UBE4B: variants seen among roughly 807,000 people sequenced by gnomAD.
The protein encoded by UBE4B is ubiquitination factor E4B.
UBE4B carries 27 observed loss-of-function variants against 148.1 expected under a neutral mutation model. That is an observed-to-expected ratio of 0.18 (90% CI 0.13 to 0.25). The LOEUF is 0.25. UBE4B is among the 10% of genes least tolerant of loss of function. The pLI, the probability that UBE4B is intolerant of heterozygous loss-of-function variation, is 1.00. For missense variants in UBE4B, 1,170 were observed against 1,662.4 expected (o/e 0.70, Z 5.15); for synonymous variants, 596 against 619.3 (o/e 0.96, Z 0.56).
At chr1:10,156,111 G>A (rs1047230305) in intron 21 of UBE4B, among the ~76,000 whole-genome samples, 2 of 151,846 alleles carry the variant, frequency 1.3e-5, no homozygotes, top group South Asian at 2.1e-4. Context: ...GTCCACCTAC[G>A]GCCTTCTAGA....
intron 2 of UBE4B, among the ~76,000 whole-genome samples, chr1:10,077,138 T>C (rs1427662220): frequency 2.0e-5 from 3 of 152,194 alleles, no homozygotes; most frequent in African/African-American, 7.2e-5. Context: ...ACAGCAGCAG[T>C]ATTATTTTCT....
At chr1:10,047,858 G>A (rs1643944978) in intron 1 of UBE4B, among the ~76,000 whole-genome samples, 1 of 152,082 alleles carries the variant, frequency 6.6e-6, no homozygotes, top group Admixed American at 6.5e-5. Context: ...ATGCAAACAT[G>A]GTTGAATGCA....
intron 18 of UBE4B, 37 bp from the exon 19 acceptor site, chr1:10,146,926 G>A (rs749562912): frequency 6.2e-7 from 1 of 1,610,386 alleles, no homozygotes; most frequent in Middle Eastern, 1.7e-4. Context: ...CTTAGCTACT[G>A]ACTGATCTTT....
At chr1:10,167,922 G>A (rs1646278932) in intron 23 of UBE4B, among the ~76,000 whole-genome samples, 1 of 152,134 alleles carries the variant, frequency 6.6e-6, no homozygotes, top group Non-Finnish European at 1.5e-5. Flanking sequence ...AGGAAGCAGA[G>A]TTAAATAAGG....
chr1:10,053,809 C>T (rs1644103616), intron 1 of UBE4B, among the ~76,000 whole-genome samples: 1 of 152,172 alleles, frequency 6.6e-6, no homozygotes. Flanking sequence ...CCCACCTCAG[C>T]CTTCTAAGTA....
chr1:10,041,216 C>T (rs944147602), intron 1 of UBE4B, among the ~76,000 whole-genome samples: 2 of 151,838 alleles, frequency 1.3e-5, no homozygotes, highest in African/African-American at 4.8e-5. Context: ...TTGAAAGGCA[C>T]ACAACTAGTA....
intron 11 of UBE4B, 65 bp from the exon 12 acceptor site, chr1:10,129,327 T>C: frequency 6.7e-7 from 1 of 1,496,128 alleles, no homozygotes; most frequent in Non-Finnish European, 9.3e-7. Context: ...AACTGTTTCT[T>C]TATGCTACAA....
intron 2 of UBE4B, among the ~76,000 whole-genome samples, chr1:10,085,771 A>G (rs1008734888): frequency 1.3e-5 from 2 of 152,052 alleles, no homozygotes; most frequent in African/African-American, 4.8e-5. Context: ...AAATATCCTC[A>G]AAGCCCTCCT....
intron 2 of UBE4B, among the ~76,000 whole-genome samples, chr1:10,075,727 CAG>C (rs1448327348): frequency 2.0e-5 from 3 of 152,144 alleles, no homozygotes; most frequent in African/African-American, 4.8e-5. Context: ...AAAAAACAAA[CAG>C]AAAATCTCTC....
chr1:10,044,018 A>C (rs1209182506), intron 1 of UBE4B, among the ~76,000 whole-genome samples: 1 of 151,944 alleles, frequency 6.6e-6, no homozygotes, highest in Non-Finnish European at 1.5e-5. Context: ...TGGGGGAGTG[A>C]CCACAATTCC....
intron 1 of UBE4B, among the ~76,000 whole-genome samples, chr1:10,064,099 A>G (rs1396713418): frequency 6.6e-6 from 1 of 152,032 alleles, no homozygotes; most frequent in African/African-American, 2.4e-5. Flanking sequence ...ATTCTTACCA[A>G]CTACTCAGCG....
At chr1:10,167,735 G>A (rs1270035663) in intron 23 of UBE4B, among the ~76,000 whole-genome samples, 1 of 151,758 alleles carries the variant, frequency 6.6e-6, no homozygotes, top group Non-Finnish European at 1.5e-5. Context: ...TGGGACTACA[G>A]CCACGCACCA....
At position 10,079,906 on chromosome 1, in the gene UBE4B, T is replaced by G. The variant is rs191079638; in HGVS notation, c.211+7692T>G. The stretch of plus-strand genomic sequence containing the variant: ...ACTTGAATAGTTAATAAATGGCTTC[T>G]GTCTGTTGGGCACTGTATTGAGAGC... On this transcript the variant is annotated intron_variant, in intron 2 of 27. Coordinates refer to ENST00000343090, the MANE Select transcript of UBE4B (RefSeq NM_001105562.3). 2.2e-3 allele frequency among the ~76,000 whole-genome samples: 340 copies of G among 152,302 alleles called. 3 individuals carry two copies. Among genetic ancestry groups the G allele is most frequent in the African/African-American group, 7.7e-3 (318 of 41,564 alleles).
At chr1:10,078,391 G>A (rs1384933067) in intron 2 of UBE4B, among the ~76,000 whole-genome samples, 3 of 152,170 alleles carry the variant, frequency 2.0e-5, no homozygotes, top group Admixed American at 6.5e-5. Context: ...AAAGATGAGT[G>A]AGACTCAGTT....
intron 4 of UBE4B, among the ~76,000 whole-genome samples, chr1:10,102,097 C>G (rs1198631057): frequency 6.6e-6 from 1 of 151,218 alleles, no homozygotes; most frequent in Non-Finnish European, 1.5e-5. Context: ...GCACTGTAAA[C>G]AAAAATAAAG....
chr1:10,153,858 G>A (rs1052115831), intron 21 of UBE4B, among the ~76,000 whole-genome samples: 2 of 152,154 alleles, frequency 1.3e-5, no homozygotes, highest in Non-Finnish European at 2.9e-5. Flanking sequence ...TGAGGTGGGC[G>A]AATCACCTGA....
chr1:10,113,260 C>T (rs1645251438), intron 7 of UBE4B, among the ~76,000 whole-genome samples: 1 of 152,182 alleles, frequency 6.6e-6, no homozygotes, highest in Non-Finnish European at 1.5e-5. Context: ...CACGTGAACT[C>T]ACTGAGTGAG....
At chr1:10,047,796 T>A (rs1643944122) in intron 1 of UBE4B, among the ~76,000 whole-genome samples, 1 of 152,188 alleles carries the variant, frequency 6.6e-6, no homozygotes, top group Admixed American at 6.5e-5. Flanking sequence ...TTGGCCCATA[T>A]GTCATTACTT....
chr1:10,179,745 C>A, intron 27 of UBE4B, 150 bp from the exon 28 acceptor site: 1 of 1,314,660 alleles, frequency 7.6e-7, no homozygotes, highest in Non-Finnish European at 1.0e-6. Flanking sequence ...CATCCAGTCC[C>A]TCCCTCTCAT....
Sources: gnomAD v4.1 joint callset for allele counts (sites outside exome capture counted in the v4.1 genomes callset) on GRCh38, gnomAD v4.1.1 for gene constraint, MANE v1.5 for transcripts, NCBI Gene and HGNC (gene_info 2026-07-23, HGNC 2026-07-21) for gene names.